The following UMOD variants were observed in gnomAD, a reference collection of about 807,000 sequenced individuals.
The protein encoded by UMOD is uromodulin.
UMOD carries 64 observed loss-of-function variants against 66.0 expected under a neutral mutation model. That is an observed-to-expected ratio of 0.97 (90% CI 0.79 to 1.19). The LOEUF (loss-of-function observed/expected upper bound fraction) is 1.19. UMOD is among the 50% of genes most tolerant of loss of function. UMOD has a pLI of 0.00. For synonymous variants in UMOD, 398 were observed against 352.7 expected, an observed-to-expected ratio of 1.13 and a Z score of -1.44; for missense variants, 764 against 850.9, an observed-to-expected ratio of 0.90 and a Z score of 1.27.
upstream of UMOD, chr16:20,356,208 AC>A (rs1851909128): frequency 6.6e-6 from 1 of 152,072 alleles, no homozygotes; most frequent in Admixed American, 6.5e-5. Context: ...CTGAGCACAC[AC>A]CTCCTGAGGC....
Position 20,352,020 on chromosome 16 carries a change from CCA to C in UMOD, c.-103+667_-103+668del, listed in dbSNP as rs762519811. The stretch of plus-strand genomic sequence containing the variant: ...GTGACAGAGAGTCCATCCCCCCCCC[CCA>C]AAAAAAAAAAGACAGAAAGAAAGAA... On this transcript the variant is annotated intron_variant, in intron 1 of 10. Coordinates refer to ENST00000396138, the MANE Select transcript of UMOD (RefSeq NM_003361.4). Among the ~76,000 whole-genome samples the C allele has an allele frequency of 1.6e-3, 224 of 140,280 alleles. 2 individuals are homozygous for C. The South Asian group carries it at 0.024, about 15-fold the overall frequency. The allele number at this position is 140,280 out of a possible 152,430, so 92.0% of individuals were successfully genotyped here. A position where few individuals can be genotyped will look rare whatever the true frequency, so the allele number is the denominator to read the frequency against.
rs1164297757 is a variant in UMOD at position 20,336,080 on chromosome 16, A to G, written c.1823-560T>C. 2.0e-5 allele frequency among the ~76,000 whole-genome samples: 3 copies of G among 152,238 alleles called. No individual in the cohort carries two copies. The East Asian group carries it at 5.8e-4, about 29-fold the overall frequency. On this transcript the variant is annotated intron_variant, in intron 9 of 10. Transcript: ENST00000396138. ...TTGTAGAACTAAGAAATTAGCTACA[A>G]GATTAGAAATTAAGGTTTAGGAGTC...
upstream of UMOD, among the ~76,000 whole-genome samples, chr16:20,353,905 G>A (rs1255292471): frequency 1.3e-5 from 2 of 151,902 alleles, no homozygotes; most frequent in African/African-American, 2.4e-5. Context: ...ATCCCTCCCC[G>A]CTCCCCGCAT....
intron 6 of UMOD, among the ~76,000 whole-genome samples, chr16:20,343,820 C>T (rs1400516138): frequency 6.6e-6 from 1 of 152,170 alleles, no homozygotes; most frequent in Non-Finnish European, 1.5e-5. Flanking sequence ...ACTCTGTCCC[C>T]CACTGGCCAG....
Position 20,349,228 on chromosome 16 carries a change from C to A in UMOD, c.89-16G>T. ...GAGCACCATCCTGTGGACAGAAAAG[C>A]CCAGCTTCAGGGTTTGGGCAGCTGG... On this transcript the variant is annotated splice_polypyrimidine_tract_variant and intron_variant, in intron 2 of 10. Transcript: ENST00000396138. 1.2e-6 allele frequency: 2 copies of A among 1,611,412 alleles called. No homozygotes were observed. Among genetic ancestry groups the A allele is most frequent in the South Asian group, 2.2e-5 (2 of 90,664 alleles).
At chr16:20,336,059 A>G (rs1964851093) in intron 9 of UMOD, among the ~76,000 whole-genome samples, 1 of 152,240 alleles carries the variant, frequency 6.6e-6, no homozygotes, top group African/African-American at 2.4e-5. Flanking sequence ...CTGCCTTTGT[A>G]GAACTAAGAA....
chr16:20,348,108 A>G, intron 4 of UMOD, 115 bp downstream of exon 4: 1 of 933,278 alleles, frequency 1.1e-6, no homozygotes, highest in Non-Finnish European at 1.7e-6. Context: ...CTCAGGTTGG[A>G]TATATATCCC....
chr16:20,343,155 A>ATAAATAAATAAATAAATAATTAAG (rs1965336999), intron 6 of UMOD, among the ~76,000 whole-genome samples: 5 of 152,188 alleles, frequency 3.3e-5, no homozygotes, highest in Admixed American at 3.3e-4. Flanking sequence ...AAATAAATAA[A>ATAAATAAATAAATAAATAATTAAG]TAATCAATAA....
rs1394887949 is a variant in UMOD at position 20,335,428 on chromosome 16, GC to G, written c.1861+53del. 4 of 1,567,912 alleles carry G rather than the reference GC, an allele frequency of 2.6e-6. No homozygotes were observed. The Admixed American group carries it at 5.0e-5, about 20-fold the overall frequency. On this transcript the variant is annotated intron_variant, in intron 10 of 10. Transcript: ENST00000396138. ...AAGCATTACAAGTTAACAGATAGAA[GC>G]CCCCCAGGAGAGTTCTGGAACAGGT...
upstream of UMOD, among the ~76,000 whole-genome samples, chr16:20,353,439 G>A (rs1965974678): frequency 6.6e-6 from 1 of 152,116 alleles, no homozygotes; most frequent in Admixed American, 6.5e-5. Flanking sequence ...ACCTTCCTGA[G>A]GTCCAGAGGT....
chr16:20,355,630 C>T (rs1966016412), upstream of UMOD, among the ~76,000 whole-genome samples: 1 of 151,966 alleles, frequency 6.6e-6, no homozygotes, highest in Non-Finnish European at 1.5e-5. Context: ...GAACTCCTGA[C>T]CTCAGGTAAT....
intron 7 of UMOD, among the ~76,000 whole-genome samples, chr16:20,337,692 T>A (rs760027429): frequency 6.6e-6 from 1 of 152,244 alleles, no homozygotes; most frequent in Non-Finnish European, 1.5e-5. Context: ...GTGTGTAGCA[T>A]GCCATAGGTG....
chr16:20,350,877 A>G (rs1596566677), intron 1 of UMOD, 38 bp from the exon 2 acceptor site: 1 of 1,525,138 alleles, frequency 6.6e-7, no homozygotes, highest in East Asian at 2.4e-5. Flanking sequence ...GCATGATCTA[A>G]CTCTCCTCCC....
Position 20,348,983 on chromosome 16 carries a change from G to A in UMOD, c.318C>T (p.Cys106=), listed in dbSNP as rs1381646695. ...EGFRLSPGLG[C]TDVDECAEPG... ...GCTCAGCGCACTCATCCACGTCTGTGCAGCCGAGACCGGGCGACAGGCGGA... is the reference window on the plus strand; with the variant it reads ...GCTCAGCGCACTCATCCACGTCTGTACAGCCGAGACCGGGCGACAGGCGGA... Residue 106 remains cysteine, a synonymous_variant, in exon 3 of 11, where the codon TGC becomes TGT. Coordinates refer to ENST00000396138, the MANE Select transcript of UMOD (RefSeq NM_003361.4). 3.8e-6 allele frequency: 6 copies of A among 1,574,676 alleles called. No homozygotes were observed. The highest frequency in any genetic ancestry group is 5.2e-6 in the Non-Finnish European group (6 of 1,160,200).
At chr16:20,342,101 T>TGA (rs1277623969) in intron 6 of UMOD, among the ~76,000 whole-genome samples, 2 of 152,120 alleles carry the variant, frequency 1.3e-5, no homozygotes, top group Non-Finnish European at 2.9e-5. Context: ...TCCCAATACT[T>TGA]TAGGAGGCAT....
chr16:20,333,568 G>A (rs552946079), intron 10 of UMOD, among the ~76,000 whole-genome samples, 193 bp from the exon 11 acceptor site: 100 of 152,212 alleles, frequency 6.6e-4, no homozygotes, highest in Admixed American at 3.5e-3. Context: ...TCTTTCCTCC[G>A]GCACTAGGCT....
At chr16:20,336,918 A>C (rs557611082) in intron 8 of UMOD, among the ~76,000 whole-genome samples, 191 bp from the exon 9 acceptor site, 1 of 152,210 alleles carries the variant, frequency 6.6e-6, no homozygotes, top group African/African-American at 2.4e-5. Context: ...GATCTCAGGC[A>C]AGCCACTGAA....
Position 20,348,485 on chromosome 16 carries a change from G to T in UMOD, c.816C>A (p.Tyr272Ter), listed in dbSNP as rs141383844. Residue 272 changes from tyrosine to a stop codon, truncating the protein, a stop_gained, in exon 3 of 11, where the codon TAC becomes TAA. Coordinates refer to ENST00000396138, the MANE Select transcript of UMOD (RefSeq NM_003361.4). LOFTEE classifies it high-confidence loss of function. Reference protein sequence around the residue: ...VQVKACAGGYYVYNLTAPPEC... With the variant: ...VQVKACAGGY ...CGGGGGGCGCTGTCAGGTTGTAGAC[G>T]TAGTAGCCGCCGGCACAGGCCTTCA... 2.7e-5 allele frequency: 44 copies of T among 1,611,932 alleles called. No homozygotes were observed. Among genetic ancestry groups the T allele is most frequent in the African/African-American group, 6.7e-5 (5 of 75,076 alleles).
intron 10 of UMOD, among the ~76,000 whole-genome samples, chr16:20,334,025 T>C (rs1164992333): frequency 1.9e-5 from 2 of 105,286 alleles, no homozygotes; most frequent in African/African-American, 3.9e-5. Context: ...CAGAGCAGAT[T>C]CCATCTCAAA....
Sources: allele counts gnomAD v4.1 joint callset (sites outside exome capture counted in the v4.1 genomes callset), GRCh38; gene constraint gnomAD v4.1.1; transcripts MANE v1.5; gene names NCBI Gene and HGNC (gene_info 2026-07-23, HGNC 2026-07-21).